Variants in TXNDC12 observed in about 807,000 individuals in gnomAD.
TXNDC12 encodes thioredoxin domain-containing protein 12.
TXNDC12 carries 22 observed loss-of-function variants against 24.2 expected under a neutral mutation model. The ratio of observed to expected loss-of-function variants is 0.91; its 90% CI spans 0.65 to 1.30. TXNDC12 has a LOEUF of 1.30. Among genes scored for constraint, TXNDC12 ranks in the 50% most tolerant of loss-of-function variants. The pLI is 0.00. For synonymous variants in TXNDC12, 58 were observed against 73.4 expected (o/e 0.79, Z 1.07); for missense variants, 184 against 205.8 (o/e 0.89, Z 0.65).
At chr1:52,023,615 AACAG>A (rs1685632552) in intron 5 of TXNDC12, 41 bp from the exon 6 acceptor site, 1 of 1,493,412 alleles carries the variant, frequency 6.7e-7, no homozygotes, top group African/African-American at 1.4e-5. Flanking sequence ...CAGTAATTAC[AACAG>A]ACAGGTACTT....
At chr1:52,034,085 C>T in intron 2 of TXNDC12, 2 of 1,276,690 alleles carry the variant, frequency 1.6e-6, no homozygotes, top group Non-Finnish European at 2.0e-6. Flanking sequence ...GCAATCAGCA[C>T]TATATTTAGC....
intron 1 of TXNDC12, among the ~76,000 whole-genome samples, chr1:52,044,711 T>C (rs1686055074): frequency 6.6e-6 from 1 of 152,186 alleles, no homozygotes; most frequent in Admixed American, 6.5e-5. Context: ...TGGTGGCTCA[T>C]GTCTGTAATC....
Position 52,020,853 on chromosome 1 carries a change from T to C in TXNDC12, c.*80A>G. ...GGTTTCCTGGTCGGCTTAATTGTTCTAGATGATTCCTCAATATTCCCTTCC... is the reference window on the plus strand; with the variant it reads ...GGTTTCCTGGTCGGCTTAATTGTTCCAGATGATTCCTCAATATTCCCTTCC... On this transcript the variant is annotated 3_prime_UTR_variant, in exon 7 of 7. Coordinates refer to ENST00000371626, the MANE Select transcript of TXNDC12 (RefSeq NM_015913.4). 1 of 1,241,274 alleles carries C rather than the reference T, an allele frequency of 8.1e-7. No homozygotes were observed. The highest frequency in any genetic ancestry group is 1.2e-6 in the Non-Finnish European group (1 of 849,712). The allele number at this position is 1,241,274 out of a possible 1,614,324, so 76.9% of individuals were successfully genotyped here. A position where few individuals can be genotyped will look rare whatever the true frequency, so the allele number is the denominator to read the frequency against.
chr1:52,033,695 C>G (rs1420983821), intron 2 of TXNDC12: 37 of 1,611,136 alleles, frequency 2.3e-5, no homozygotes, highest in African/African-American at 4.0e-5. Context: ...GCCAGCGCCA[C>G]GCGCAACTCT....
Position 52,033,772 on chromosome 1 carries a change from A to G in TXNDC12, c.159-5142T>C, listed in dbSNP as rs141729726. The stretch of plus-strand genomic sequence containing the variant: ...CACCACGAGCGGCATCCTCTCAGGG[A>G]GCGACCATTGGCAACCGCGCTGCGC... On this transcript the variant is annotated intron_variant, in intron 2 of 6. Transcript: ENST00000371626. 1,191 of 1,569,354 alleles carry G rather than the reference A, an allele frequency of 7.6e-4. 10 individuals are homozygous for G. In the African/African-American group the frequency reaches 0.014, roughly 19 times the overall value.
rs1464627112 is a variant in TXNDC12 at position 52,032,632 on chromosome 1, T to C, written c.159-4002A>G. The C allele has an allele frequency of 4.7e-5, 72 of 1,530,100 alleles. No homozygotes were observed. In the Middle Eastern group the frequency reaches 1.1e-3, roughly 24 times the overall value. The allele number at this position is 1,530,100 out of a possible 1,614,324, so 94.8% of individuals were successfully genotyped here. A position where few individuals can be genotyped will look rare whatever the true frequency, so the allele number is the denominator to read the frequency against. On this transcript the variant is annotated intron_variant, in intron 2 of 6. Transcript: ENST00000371626. ...ATATGCTCTGGAGACCTGCAGCCTA[T>C]TTTTCCCAGAGAAATAAAGTGGAGT...
At chr1:52,032,627 G>A (rs1329297064) in intron 2 of TXNDC12, 8 of 1,528,108 alleles carry the variant, frequency 5.2e-6, no homozygotes, top group Middle Eastern at 2.0e-4. Context: ...GAGACCTGCA[G>A]CCTATTTTTC....
In TXNDC12 at chr1:52,021,013, C is replaced by A; in HGVS notation, c.440-1G>T. The A allele has an allele frequency of 6.2e-7, 1 of 1,612,110 alleles. No individual in the cohort carries two copies. The highest frequency in any genetic ancestry group is 8.5e-7 in the Non-Finnish European group (1 of 1,178,218). ...TGAGCTTCCTTCATCCCCTGAACAA[C>A]TGTGAAATAAAGATTGGAGGAAAAA... On this transcript the variant is annotated splice_acceptor_variant, in intron 6 of 6. Transcript: ENST00000371626. LOFTEE classifies it high-confidence loss of function.
At chr1:52,037,532 C>T (rs1053144298) in intron 2 of TXNDC12, among the ~76,000 whole-genome samples, 1 of 152,000 alleles carries the variant, frequency 6.6e-6, no homozygotes, top group African/African-American at 2.4e-5. Flanking sequence ...TTTTAATTTG[C>T]CTTTGGTGCT....
At position 52,020,245 on chromosome 1, in the gene TXNDC12, G is replaced by C. The variant is rs184657020; in HGVS notation, c.*688C>G. On this transcript the variant is annotated 3_prime_UTR_variant, in exon 7 of 7. Coordinates refer to ENST00000371626, the MANE Select transcript of TXNDC12 (RefSeq NM_015913.4). ...GACAAAATGGCTACACCTAGGGCTT[G>C]AAGGTTTGAGTTTCTCCAACAGTAA... 3.3e-6 allele frequency: 1 copy of C among 301,298 alleles called. No individual in the cohort carries two copies. The highest frequency in any genetic ancestry group is 4.0e-5 in the Admixed American group (1 of 24,746). The allele number at this position is 301,298 out of a possible 1,614,324, so 18.7% of individuals were successfully genotyped here. A position where few individuals can be genotyped will look rare whatever the true frequency, so the allele number is the denominator to read the frequency against.
rs562152789 is a variant in TXNDC12 at position 52,049,969 on chromosome 1, G to A, written c.97+5031C>T. Among the ~76,000 whole-genome samples, 3 of 152,252 alleles carry A rather than the reference G, an allele frequency of 2.0e-5. No homozygotes were observed. In the East Asian group the frequency reaches 5.8e-4, roughly 29 times the overall value. ...TATTTAATCTTCACAACAACTTTAT[G>A]AGGTAGAAACTCTAATTATCCCTTT... On this transcript the variant is annotated intron_variant, in intron 1 of 6. Transcript: ENST00000371626.
Position 52,020,304 on chromosome 1 carries a change from C to A in TXNDC12, c.*629G>T. ...AGCATGCTTCCACCTGGAGCCGAGT[C>A]CAAGCACACAGCCAGTCCTGCACAC... On this transcript the variant is annotated 3_prime_UTR_variant, in exon 7 of 7. Coordinates refer to ENST00000371626, the MANE Select transcript of TXNDC12 (RefSeq NM_015913.4). 2.5e-6 allele frequency: 1 copy of A among 395,198 alleles called. No individual in the cohort carries two copies. Among genetic ancestry groups the A allele is most frequent in the South Asian group, 2.8e-5 (1 of 35,722 alleles). The allele number at this position is 395,198 out of a possible 1,614,324, so 24.5% of individuals were successfully genotyped here.
At chr1:52,045,078 TAAAAG>T (rs1472574067) in intron 1 of TXNDC12, among the ~76,000 whole-genome samples, 1 of 151,670 alleles carries the variant, frequency 6.6e-6, no homozygotes, top group East Asian at 1.9e-4. Flanking sequence ...TATGCAGTGA[TAAAAG>T]GAAAGGAGTA....
At chr1:52,047,475 G>C (rs990296061) in intron 1 of TXNDC12, among the ~76,000 whole-genome samples, 6 of 152,166 alleles carry the variant, frequency 3.9e-5, no homozygotes, top group Non-Finnish European at 7.3e-5. Context: ...ACATATTTCA[G>C]GTAGGAAATG....
intron 1 of TXNDC12, among the ~76,000 whole-genome samples, chr1:52,051,403 T>A (rs548015821): frequency 4.6e-5 from 7 of 152,014 alleles, no homozygotes; most frequent in Non-Finnish European, 1.0e-4. Context: ...TGAGACAGAG[T>A]ATCACTCTGT....
At chr1:52,038,781 C>G (rs576839408) in intron 2 of TXNDC12, among the ~76,000 whole-genome samples, 2 of 151,948 alleles carry the variant, frequency 1.3e-5, no homozygotes, top group Non-Finnish European at 2.9e-5. Context: ...TTTTATAGTA[C>G]CCATGTAAAA....
intron 4 of TXNDC12, among the ~76,000 whole-genome samples, chr1:52,025,288 G>A (rs535169348): frequency 2.6e-5 from 4 of 151,170 alleles, no homozygotes; most frequent in South Asian, 4.2e-4. Flanking sequence ...GTGCGATCTC[G>A]GCCCACTGCA....
chr1:52,024,433 T>C (rs1685644610), intron 5 of TXNDC12, 77 bp downstream of exon 5: 1 of 1,127,574 alleles, frequency 8.9e-7, no homozygotes, highest in Non-Finnish European at 1.3e-6. Context: ...ATAGTTTCAC[T>C]AGGTGAAGTC....
chr1:52,031,952 T>TTGTCATAA (rs1202128179), intron 2 of TXNDC12: 2 of 185,042 alleles, frequency 1.1e-5, no homozygotes, highest in East Asian at 3.7e-4. Flanking sequence ...GTTACGGAAA[T>TTGTCATAA]TGTCATAATA....
Sources: allele counts gnomAD v4.1 joint callset (sites outside exome capture counted in the v4.1 genomes callset), GRCh38; gene constraint gnomAD v4.1.1; transcripts MANE v1.5; gene names NCBI Gene and HGNC (gene_info 2026-07-23, HGNC 2026-07-21).